Variants in GALK2 observed in about 807,000 individuals in gnomAD.
GALK2 encodes galactokinase 2, also known as N-acetylgalactosamine kinase.
A neutral mutation model predicts 52.4 loss-of-function variants in GALK2; 36 were observed. That is an observed-to-expected ratio of 0.69 (90% CI 0.53 to 0.91). GALK2 has a LOEUF of 0.91. GALK2 is among the 40% of genes least tolerant of loss of function. The pLI is 0.00. For synonymous variants in GALK2, 176 were observed against 199.1 expected, an observed-to-expected ratio of 0.88 and a Z score of 0.98; for missense variants, 579 against 559.1, an observed-to-expected ratio of 1.04 and a Z score of -0.36.
chr15:49,189,770 C>T (rs1260370651), intron 1 of GALK2, among the ~76,000 whole-genome samples: 1 of 152,050 alleles, frequency 6.6e-6, no homozygotes. Flanking sequence ...AGACTCATGA[C>T]CTGGGCAGGG....
chr15:49,290,854 T>A (rs1437029843), intron 7 of GALK2, among the ~76,000 whole-genome samples: 1 of 152,256 alleles, frequency 6.6e-6, no homozygotes, highest in Non-Finnish European at 1.5e-5. Flanking sequence ...TTATCATGCA[T>A]ACCTCATTGA....
At chr15:49,347,923 G>A (rs1162466210) in intron 3 of GALK2, among the ~76,000 whole-genome samples, 1 of 150,808 alleles carries the variant, frequency 6.6e-6, no homozygotes, top group Non-Finnish European at 1.5e-5. Flanking sequence ...GGAGGCTGAG[G>A]CAGGAGAATT....
At chr15:49,299,259 T>A (rs2034754596) in intron 8 of GALK2, among the ~76,000 whole-genome samples, 1 of 152,124 alleles carries the variant, frequency 6.6e-6, no homozygotes. Context: ...TCTGATTATG[T>A]TTATGTGGAT....
intron 3 of GALK2, among the ~76,000 whole-genome samples, chr15:49,230,615 AT>A (rs1199810398): frequency 6.6e-6 from 1 of 151,866 alleles, no homozygotes; most frequent in African/African-American, 2.4e-5. Flanking sequence ...CCGACTTCAT[AT>A]TTTTTTTGAT....
At chr15:49,332,574 T>C (rs1360953486), downstream of GALK2, among the ~76,000 whole-genome samples, 3 of 152,000 alleles carry the variant, frequency 2.0e-5, no homozygotes, top group East Asian at 1.9e-4. Flanking sequence ...CAAGGAAGGA[T>C]AGAAACTTGA....
In GALK2 at chr15:49,329,193, TAATG is replaced by T. The variant is rs2038111461; in HGVS notation, c.*1038_*1041del. 1.0e-6 allele frequency: 1 copy of T among 986,574 alleles called. No individual in the cohort carries two copies. Among genetic ancestry groups the T allele is most frequent in the Non-Finnish European group, 1.2e-6 (1 of 830,826 alleles). 61.1% of individuals were successfully genotyped at this position (986,574 alleles called of 1,614,324 possible). On this transcript the variant is annotated 3_prime_UTR_variant, in exon 10 of 10. Transcript: ENST00000560031. ...GGGTGAAAGTGACTATGAAAAGACT[TAATG>T]AATTCTGGGATTTGTAATGGTATTG...
intron 8 of GALK2, among the ~76,000 whole-genome samples, chr15:49,303,148 C>T (rs998955877): frequency 3.3e-5 from 5 of 151,976 alleles, no homozygotes; most frequent in Non-Finnish European, 7.4e-5. Context: ...TACCTTGTTT[C>T]CTAGGGAAAA....
chr15:49,214,431 A>G (rs1283323230), intron 2 of GALK2, among the ~76,000 whole-genome samples: 1 of 149,930 alleles, frequency 6.7e-6, no homozygotes, highest in African/African-American at 2.5e-5. Context: ...CCCGGGTTCA[A>G]GCGATTCTCC....
chr15:49,271,922 T>C (rs2030714467), intron 5 of GALK2, among the ~76,000 whole-genome samples: 1 of 152,230 alleles, frequency 6.6e-6, no homozygotes, highest in Non-Finnish European at 1.5e-5. Context: ...GTTTTTTAAC[T>C]TGAAGAGAAA....
At chr15:49,215,736 G>C (rs746598906) in intron 2 of GALK2, among the ~76,000 whole-genome samples, 10 of 152,124 alleles carry the variant, frequency 6.6e-5, no homozygotes, top group Non-Finnish European at 1.5e-4. Flanking sequence ...TTGGTCACTG[G>C]TGTCTTCTGT....
chr15:49,250,515 G>A (rs2091546399), intron 5 of GALK2, among the ~76,000 whole-genome samples: 1 of 152,106 alleles, frequency 6.6e-6, no homozygotes, highest in Non-Finnish European at 1.5e-5. Context: ...GAAAATATGA[G>A]GCTCAGAGAA....
intron 2 of GALK2, among the ~76,000 whole-genome samples, chr15:49,211,972 A>G (rs181434476): frequency 6.4e-4 from 97 of 152,170 alleles, no homozygotes; most frequent in Non-Finnish European, 1.5e-5. Context: ...TTGGTTTTCT[A>G]ATTTGTTGGT....
chr15:49,213,124 T>C (rs1349609056), intron 2 of GALK2, among the ~76,000 whole-genome samples: 1 of 152,206 alleles, frequency 6.6e-6, no homozygotes, highest in Non-Finnish European at 1.5e-5. Flanking sequence ...TAGGCATCTA[T>C]CCTTCTTTTT....
In GALK2 at chr15:49,260,838, G is replaced by C. The variant is rs962600209; in HGVS notation, c.505-21149G>C. Among the ~76,000 whole-genome samples, 123 of 152,108 alleles carry C rather than the reference G, an allele frequency of 8.1e-4. 1 individual carries two copies. The highest frequency in any genetic ancestry group is 6.8e-3 in the Middle Eastern group (2 of 294). ...TTAAATAGGGAATCCTTTCCCCATT[G>C]CTTGTTTTTCTCAGGTTTGTCAAAT... On this transcript the variant is annotated intron_variant, in intron 5 of 9. Coordinates refer to ENST00000560031, the MANE Select transcript of GALK2 (RefSeq NM_002044.4).
At chr15:49,363,809 G>A (rs1461773608) in intron 3 of GALK2, among the ~76,000 whole-genome samples, 1 of 151,952 alleles carries the variant, frequency 6.6e-6, no homozygotes, top group Admixed American at 6.6e-5. Context: ...GTTTGTTGAG[G>A]GTTTTTTATC....
chr15:49,317,741 G>A (rs2036536826), intron 8 of GALK2, among the ~76,000 whole-genome samples: 1 of 152,188 alleles, frequency 6.6e-6, no homozygotes, highest in Admixed American at 6.5e-5. Flanking sequence ...AAAAAAGGAT[G>A]AGTTCGTGTC....
At chr15:49,221,620 TC>T (rs2089798008) in intron 3 of GALK2, among the ~76,000 whole-genome samples, 2 of 151,806 alleles carry the variant, frequency 1.3e-5, no homozygotes. Flanking sequence ...TGAGCCGAGA[TC>T]GTGACACTGC....
intron 3 of GALK2, among the ~76,000 whole-genome samples, chr15:49,361,076 A>G (rs909990755): frequency 6.6e-6 from 1 of 152,186 alleles, no homozygotes; most frequent in African/African-American, 2.4e-5. Flanking sequence ...GTTAGGAGGG[A>G]TAAATGATAA....
At chr15:49,244,628 C>T (rs1456081931) in intron 5 of GALK2, among the ~76,000 whole-genome samples, 1 of 151,922 alleles carries the variant, frequency 6.6e-6, no homozygotes, top group Non-Finnish European at 1.5e-5. Context: ...AGGATGTAAT[C>T]CACCAAAACT....
Sources: gnomAD v4.1 joint callset for allele counts (sites outside exome capture counted in the v4.1 genomes callset) on GRCh38, gnomAD v4.1.1 for gene constraint, MANE v1.5 for transcripts, NCBI Gene and HGNC (gene_info 2026-07-23, HGNC 2026-07-21) for gene names.